SEL1L: variants seen among roughly 807,000 people sequenced by gnomAD.
SEL1L encodes protein sel-1 homolog 1.
In SEL1L, 52 loss-of-function variants were observed where a neutral mutation model predicts 109.8. The ratio of observed to expected loss-of-function variants is 0.47; its 90% CI spans 0.38 to 0.60. The LOEUF (loss-of-function observed/expected upper bound fraction) is 0.60, where lower values mean the gene tolerates loss of function less well. Ranked by LOEUF, SEL1L falls within the 20% of genes least tolerant of loss-of-function variation. SEL1L has a pLI of 0.00. For synonymous variants in SEL1L, 373 were observed against 339.6 expected (o/e 1.10, Z -1.08); for missense variants, 749 against 962.2 (o/e 0.78, Z 2.93).
At chr14:81,499,688 A>G in intron 6 of SEL1L, 26 bp from the exon 7 acceptor site, 1 of 1,586,844 alleles carries the variant, frequency 6.3e-7, no homozygotes, top group Non-Finnish European at 8.6e-7. Context: ...AAAGTAAGAA[A>G]TCTTGCTTTG....
intron 3 of SEL1L, among the ~76,000 whole-genome samples, chr14:81,523,799 A>G (rs1416203728): frequency 6.6e-6 from 1 of 152,032 alleles, no homozygotes; most frequent in Non-Finnish European, 1.5e-5. Context: ...CCTCTGCAGA[A>G]CTGATTGCTT....
chr14:81,486,541 A>AAT (rs1427240061), intron 16 of SEL1L, 87 bp from the exon 17 acceptor site: 2 of 1,297,550 alleles, frequency 1.5e-6, no homozygotes, highest in Non-Finnish European at 2.1e-6. Flanking sequence ...GTTACACATG[A>AAT]CTATTAAGCT....
intron 20 of SEL1L, 48 bp downstream of exon 20, chr14:81,479,564 G>A (rs1441316842): frequency 6.4e-7 from 1 of 1,573,312 alleles, no homozygotes; most frequent in Non-Finnish European, 8.6e-7. Context: ...CTCCAGGACA[G>A]ACCTTCCATC....
chr14:81,493,021 C>G (rs1034600369), intron 11 of SEL1L, among the ~76,000 whole-genome samples: 1 of 152,120 alleles, frequency 6.6e-6, no homozygotes, highest in Non-Finnish European at 1.5e-5. Context: ...AATTCTTGAC[C>G]CTACTTAAAA....
intron 12 of SEL1L, 151 bp downstream of exon 12, chr14:81,492,329 C>T (rs972755877): frequency 7.7e-6 from 5 of 652,366 alleles, no homozygotes; most frequent in African/African-American, 7.6e-5. Context: ...TAAGAAAATG[C>T]CTCAGAACAG....
intron 13 of SEL1L, 129 bp from the exon 14 acceptor site, chr14:81,489,443 A>T (rs1883459527): frequency 1.3e-6 from 1 of 743,110 alleles, no homozygotes; most frequent in Admixed American, 2.8e-5. Flanking sequence ...TCAATTCAAA[A>T]CAAAACTTTC....
Position 81,533,768 on chromosome 14 carries a change from C to T in SEL1L, c.-24G>A, listed in dbSNP as rs774123753. On this transcript the variant is annotated 5_prime_UTR_variant, in exon 1 of 21. Coordinates refer to ENST00000336735, the MANE Select transcript of SEL1L (RefSeq NM_005065.6). The stretch of plus-strand genomic sequence containing the variant: ...ATCCTCCTCTCGGGGCCGGTGCCAA[C>T]CCCTAGAGCTGTCGCCTTCGCCTCT... 3 of 1,609,952 alleles carry T rather than the reference C, an allele frequency of 1.9e-6. No homozygotes were observed. The highest frequency in any genetic ancestry group is 2.5e-6 in the Non-Finnish European group (3 of 1,178,372).
At position 81,499,455 on chromosome 14, in the gene SEL1L, T is replaced by G; in HGVS notation, c.891+4A>C. 1 of 1,609,338 alleles carries G rather than the reference T, an allele frequency of 6.2e-7. No individual in the cohort carries two copies. The highest frequency in any genetic ancestry group is 2.2e-5 in the East Asian group (1 of 44,772). On this transcript the variant is annotated splice_donor_region_variant and intron_variant, in intron 8 of 20. Transcript: ENST00000336735. ...TTATTAGCCTTCCACTAAAGTCTAC[T>G]TACCAAAACCATGTGGGCTATTAGA...
At chr14:81,512,690 A>C (rs552891218) in intron 3 of SEL1L, among the ~76,000 whole-genome samples, 3 of 152,342 alleles carry the variant, frequency 2.0e-5, no homozygotes, top group African/African-American at 7.2e-5. Context: ...TGAGCCAAAT[A>C]AACTTCTGGT....
In SEL1L at chr14:81,472,553, T is replaced by A. The variant is rs752340029; in HGVS notation, c.*4419A>T. On this transcript the variant is annotated 3_prime_UTR_variant, in exon 21 of 21. Coordinates refer to ENST00000336735, the MANE Select transcript of SEL1L (RefSeq NM_005065.6). ...AGTCTAAATGTTACTGTGTGGTACG[T>A]GTCTCTGCAAGTCCTCTTAAAAAAT... 1 of 448,536 alleles carries A rather than the reference T, an allele frequency of 2.2e-6. No homozygotes were observed. Among genetic ancestry groups the A allele is most frequent in the Non-Finnish European group, 4.4e-6 (1 of 227,108 alleles). The allele number at this position is 448,536 out of a possible 1,614,324, so 27.8% of individuals were successfully genotyped here. A position where few individuals can be genotyped will look rare whatever the true frequency, so the allele number is the denominator to read the frequency against.
chr14:81,480,275 G>GC (rs1219921491), intron 19 of SEL1L, among the ~76,000 whole-genome samples: 2 of 151,914 alleles, frequency 1.3e-5, no homozygotes, highest in African/African-American at 4.8e-5. Context: ...TGCAGGCTCC[G>GC]CCCCCCAGGG....
chr14:81,484,355 T>TAGAAATGG lies in SEL1L; in HGVS notation c.1908_1915dup (p.Tyr639SerfsTer10), dbSNP rs1903454298. ...ATAATCTACATCGGTGCCAAACCCA[T>TAGAAATGG]AGAAATGGTAGTCTCCGAGCTTAAT... is the stretch of plus-strand genomic sequence containing the variant. On this transcript the variant is annotated frameshift_variant, in exon 19 of 21. Coordinates refer to ENST00000336735, the MANE Select transcript of SEL1L (RefSeq NM_005065.6). LOFTEE classifies it high-confidence loss of function. 1 of 1,613,916 alleles carries TAGAAATGG rather than the reference T, an allele frequency of 6.2e-7. No individual in the cohort carries two copies. The highest frequency in any genetic ancestry group is 8.5e-7 in the Non-Finnish European group (1 of 1,179,960).
intron 3 of SEL1L, among the ~76,000 whole-genome samples, chr14:81,522,139 GA>G (rs1412663301): frequency 6.6e-6 from 1 of 152,006 alleles, no homozygotes; most frequent in Non-Finnish European, 1.5e-5. Context: ...CAAAATAGTT[GA>G]AAAGCTAAAA....
intron 14 of SEL1L, chr14:81,489,042 G>A: frequency 1.7e-6 from 1 of 571,812 alleles, no homozygotes; most frequent in Non-Finnish European, 3.1e-6. Context: ...CTGGGAGAAA[G>A]TGCCAGACAC....
intron 12 of SEL1L, 87 bp downstream of exon 12, chr14:81,492,393 G>T: frequency 1.0e-6 from 1 of 958,348 alleles, no homozygotes; most frequent in Non-Finnish European, 1.6e-6. Flanking sequence ...ATTTATTTTT[G>T]GTAAATTGTA....
chr14:81,506,295 T>TG, intron 3 of SEL1L, 54 bp from the exon 4 acceptor site: 2 of 1,426,124 alleles, frequency 1.4e-6, no homozygotes, highest in Non-Finnish European at 1.9e-6. Context: ...CTGGTATTCA[T>TG]GGATTCAATG....
intron 10 of SEL1L, among the ~76,000 whole-genome samples, chr14:81,495,455 G>T (rs539432275): frequency 6.6e-6 from 1 of 152,056 alleles, no homozygotes; most frequent in East Asian, 1.9e-4. Flanking sequence ...GGGCAACATC[G>T]CAAAATCCTG....
rs369838078 is a variant in SEL1L at position 81,499,549 on chromosome 14, C to A, written c.832-31G>T. On this transcript the variant is annotated intron_variant, in intron 7 of 20. Coordinates refer to ENST00000336735, the MANE Select transcript of SEL1L (RefSeq NM_005065.6). ...AAAGAACAAAACATGTTTAACTGAA[C>A]ATAGGCACGCATTTATTCAATTCAA... 87 of 1,606,810 alleles carry A rather than the reference C, an allele frequency of 5.4e-5. No individual in the cohort carries two copies. The Middle Eastern group carries it at 3.1e-3, about 57-fold the overall frequency.
At chr14:81,529,274 A>T (rs1420027499) in intron 1 of SEL1L, among the ~76,000 whole-genome samples, 8 of 152,184 alleles carry the variant, frequency 5.3e-5, no homozygotes, top group African/African-American at 7.2e-5. Context: ...AGATAAATTT[A>T]AAAAACCCAT....
Sources: gnomAD v4.1 joint callset for allele counts (sites outside exome capture counted in the v4.1 genomes callset) on GRCh38, gnomAD v4.1.1 for gene constraint, MANE v1.5 for transcripts, NCBI Gene and HGNC (gene_info 2026-07-23, HGNC 2026-07-21) for gene names.